Variants in AOPEP observed in about 807,000 individuals in gnomAD.
AOPEP encodes aminopeptidase O (putative), also known as aminopeptidase O.
Under a neutral mutation model 98.1 loss-of-function variants are expected in AOPEP, and 77 were observed. The observed-to-expected ratio is 0.78, with a 90% CI of 0.65 to 0.95. The LOEUF is 0.95. Among genes scored for constraint, AOPEP ranks in the 40% least tolerant of loss-of-function variants. AOPEP has a pLI of 0.00. For synonymous variants in AOPEP, 346 were observed against 365.3 expected (o/e 0.95, Z 0.60); for missense variants, 1,024 against 1,024.7 (o/e 1.00, Z 0.01).
intron 5 of AOPEP, among the ~76,000 whole-genome samples, chr9:94,906,006 G>C (rs1015963196): frequency 2.6e-5 from 4 of 152,078 alleles, no homozygotes; most frequent in African/African-American, 7.2e-5. Flanking sequence ...ATCAAGACAG[G>C]GAAAGAAACG....
intron 16 of AOPEP, chr9:95,086,204 G>A (rs2070671518): frequency 7.7e-6 from 10 of 1,291,468 alleles, no homozygotes; most frequent in South Asian, 1.2e-5. Context: ...CCGGCCCGGC[G>A]GCAGCACGGT....
intron 9 of AOPEP, among the ~76,000 whole-genome samples, chr9:94,965,090 T>G (rs2059108007): frequency 6.6e-6 from 1 of 152,342 alleles, no homozygotes; most frequent in African/African-American, 2.4e-5. Context: ...CAAAATAATT[T>G]TTAAGTAATA....
At chr9:94,901,254 A>T (rs936200909) in intron 5 of AOPEP, among the ~76,000 whole-genome samples, 2 of 152,206 alleles carry the variant, frequency 1.3e-5, no homozygotes, top group Non-Finnish European at 2.9e-5. Context: ...GCCAAAAAGT[A>T]TAGAGTATTC....
intron 5 of AOPEP, among the ~76,000 whole-genome samples, chr9:94,839,901 T>G (rs932049536): frequency 6.6e-6 from 1 of 152,144 alleles, no homozygotes; most frequent in Non-Finnish European, 1.5e-5. Context: ...CCCAAGTAGC[T>G]GGTGCTATAA....
intron 1 of AOPEP, among the ~76,000 whole-genome samples, chr9:94,728,923 C>T (rs112002527): frequency 0.032 from 4,908 of 152,160 alleles, 269 homozygotes; most frequent in African/African-American, 0.11. Context: ...GCTGACATTG[C>T]GTTGATTTGT....
At chr9:94,927,239 C>T (rs564641563) in intron 6 of AOPEP, among the ~76,000 whole-genome samples, 16 of 152,278 alleles carry the variant, frequency 1.1e-4, no homozygotes, top group Non-Finnish European at 1.8e-4. Context: ...GGATTAGGGC[C>T]CCACTCATGA....
chr9:94,925,280 C>T (rs1301070884), intron 6 of AOPEP, among the ~76,000 whole-genome samples: 2 of 152,238 alleles, frequency 1.3e-5, no homozygotes, highest in African/African-American at 4.8e-5. Flanking sequence ...TGAGCCACCG[C>T]GCCCAGCCTC....
At chr9:95,075,632 C>A (rs961001665) in intron 14 of AOPEP, among the ~76,000 whole-genome samples, 2 of 152,198 alleles carry the variant, frequency 1.3e-5, no homozygotes, top group Non-Finnish European at 2.9e-5. Context: ...ATAATCCCAA[C>A]ACTTTCGGAA....
chr9:94,944,097 AAGAC>A (rs1441222378), intron 7 of AOPEP, among the ~76,000 whole-genome samples: 2 of 152,276 alleles, frequency 1.3e-5, no homozygotes, highest in Non-Finnish European at 2.9e-5. Flanking sequence ...TACAATGAAA[AAGAC>A]AGATAATAAA....
At chr9:94,988,237 A>G (rs1386144943) in intron 11 of AOPEP, among the ~76,000 whole-genome samples, 1 of 152,234 alleles carries the variant, frequency 6.6e-6, no homozygotes, top group East Asian at 1.9e-4. Context: ...AGGAAGCCAC[A>G]AGAAACAAGC....
At chr9:95,019,009 A>G (rs2063237723) in intron 13 of AOPEP, 1 of 152,174 alleles carries the variant, frequency 6.6e-6, no homozygotes, top group South Asian at 2.1e-4. Flanking sequence ...GAAGCAGGAA[A>G]ACATTCCTAA....
intron 5 of AOPEP, among the ~76,000 whole-genome samples, chr9:94,892,219 T>C (rs1366116694): frequency 2.0e-5 from 3 of 152,244 alleles, no homozygotes; most frequent in South Asian, 2.1e-4. Flanking sequence ...TGTAGGTTTA[T>C]GTCTTTTGCC....
At chr9:94,903,244 A>G (rs1481989665) in intron 5 of AOPEP, among the ~76,000 whole-genome samples, 1 of 151,730 alleles carries the variant, frequency 6.6e-6, no homozygotes, top group African/African-American at 2.4e-5. Flanking sequence ...CAACCTCCCA[A>G]AGTGCTGGGA....
intron 5 of AOPEP, among the ~76,000 whole-genome samples, chr9:94,817,609 T>C (rs1171674822): frequency 1.3e-5 from 2 of 152,362 alleles, no homozygotes; most frequent in Admixed American, 6.5e-5. Context: ...GGACGAGTTA[T>C]GGCATAATTT....
chr9:94,799,270 A>G (rs1409872424), intron 4 of AOPEP, among the ~76,000 whole-genome samples: 2 of 152,168 alleles, frequency 1.3e-5, no homozygotes, highest in African/African-American at 4.8e-5. Flanking sequence ...TGTAGTTATA[A>G]TTGGCTGGGT....
chr9:95,138,279 C>T, the AOPEP span, among the ~76,000 whole-genome samples: 1 of 152,222 alleles, frequency 6.6e-6, no homozygotes, highest in Non-Finnish European at 1.5e-5. Context: ...CAGGCCTGGG[C>T]TCAGCAGAAC....
intron 15 of AOPEP, among the ~76,000 whole-genome samples, chr9:95,081,693 T>C (rs1195011207): frequency 2.6e-5 from 4 of 152,186 alleles, no homozygotes; most frequent in Non-Finnish European, 5.9e-5. Flanking sequence ...AGAGCAACTT[T>C]ATGGTCTGTT....
intron 5 of AOPEP, among the ~76,000 whole-genome samples, chr9:94,817,201 C>T (rs113633127): frequency 0.089 from 13,476 of 152,012 alleles, 708 homozygotes; most frequent in African/African-American, 0.13. Flanking sequence ...GATGGGGTTT[C>T]GCCACGTTGT....
At chr9:95,059,740 C>A (rs1288163834) in intron 13 of AOPEP, among the ~76,000 whole-genome samples, 1 of 152,192 alleles carries the variant, frequency 6.6e-6, no homozygotes, top group East Asian at 1.9e-4. Context: ...CAGGAATGAT[C>A]TGCACATACA....
Sources: allele counts gnomAD v4.1 joint callset (sites outside exome capture counted in the v4.1 genomes callset), GRCh38; gene constraint gnomAD v4.1.1; transcripts MANE v1.5; gene names NCBI Gene and HGNC (gene_info 2026-07-23, HGNC 2026-07-21).